Variants in ADCK2 observed in about 807,000 individuals in gnomAD.
ADCK2 encodes aarF domain containing kinase 2, also known as uncharacterized aarF domain-containing protein kinase 2.
ADCK2 carries 37 observed loss-of-function variants against 52.3 expected under a neutral mutation model. The observed-to-expected ratio is 0.71, with a 90% CI of 0.54 to 0.93. The LOEUF is 0.93. ADCK2 is among the 40% of genes least tolerant of loss of function. The probability of loss-of-function intolerance (pLI) is 0.00; values close to 1 mark genes in which losing one functional copy is unlikely to be tolerated. For synonymous variants in ADCK2, 321 were observed against 349.2 expected (o/e 0.92, Z 0.90); for missense variants, 695 against 798.7 (o/e 0.87, Z 1.56).
At chr7:140,684,507 G>A (rs1292609791) in intron 4 of ADCK2, among the ~76,000 whole-genome samples, 1 of 152,146 alleles carries the variant, frequency 6.6e-6, no homozygotes, top group Non-Finnish European at 1.5e-5. Flanking sequence ...AGGAATGGGC[G>A]ATGGGGTCGA....
At position 140,674,798 on chromosome 7, in the gene ADCK2, A is replaced by G. The variant is rs1563205785; in HGVS notation, c.1080+41A>G. 1.3e-6 allele frequency: 2 copies of G among 1,587,592 alleles called. No homozygotes were observed. Among genetic ancestry groups the G allele is most frequent in the Non-Finnish European group, 1.7e-6 (2 of 1,162,202 alleles). ...CTCAGCTGTAAATAGCACCTAACAT[A>G]GTTCTTGCCATTAGCTGCTACTTAG... is the stretch of plus-strand genomic sequence containing the variant. On this transcript the variant is annotated intron_variant, in intron 2 of 7. Transcript: ENST00000072869. This position sits in a 1 kb window ranked among gnomAD's most constrained non-coding sequence, Gnocchi z 4.6.
intron 2 of ADCK2, among the ~76,000 whole-genome samples, chr7:140,675,112 G>A (rs1794376802): frequency 6.6e-6 from 1 of 152,040 alleles, no homozygotes; most frequent in African/African-American, 2.4e-5. Context: ...GCGTGGTGCT[G>A]CATGCCTGTA....
At chr7:140,688,973 AT>A (rs1430149254) in intron 5 of ADCK2, among the ~76,000 whole-genome samples, 58 of 147,654 alleles carry the variant, frequency 3.9e-4, no homozygotes, top group East Asian at 1.2e-3. Flanking sequence ...TAATTAATTA[AT>A]TTTTTTTTTT....
chr7:140,682,998 CA>C (rs34792260), intron 4 of ADCK2, among the ~76,000 whole-genome samples: 8,550 of 54,576 alleles, frequency 0.16, 173 homozygotes, highest in African/African-American at 0.2. Flanking sequence ...GACTCTGTCT[CA>C]AAAAAAAAAA....
intron 5 of ADCK2, among the ~76,000 whole-genome samples, chr7:140,688,274 C>A (rs565977039): frequency 7.2e-5 from 11 of 152,228 alleles, no homozygotes; most frequent in African/African-American, 2.4e-4. Context: ...GAACTTCTGA[C>A]CTCAGGTGAT....
chr7:140,691,167 C>A (rs1794696774), intron 7 of ADCK2, among the ~76,000 whole-genome samples: 1 of 152,040 alleles, frequency 6.6e-6, no homozygotes, highest in South Asian at 2.1e-4. Flanking sequence ...CTCAGGTGAT[C>A]CACCCTTCTC....
chr7:140,694,747 G>A lies in ADCK2; in HGVS notation c.1825G>A (p.Asp609Asn), dbSNP rs76105862. 4.1e-4 allele frequency: 656 copies of A among 1,614,114 alleles called. 1 individual carries two copies. Among genetic ancestry groups the A allele is most frequent in the Non-Finnish European group, 2.5e-4 (300 of 1,179,986 alleles). ...GLGRSLDPKL[D>N]ILEAARPFLL... ...TGGCCGCTCACTGGACCCCAAACTG[G>A]ACATCCTGGAGGCAGCGAGGCCCTT... is the stretch of plus-strand genomic sequence containing the variant. The change falls in exon 8 of 8, where the codon GAC becomes AAC. Residue 609 changes from aspartate (D) to asparagine (N), a missense_variant. Transcript: ENST00000072869.
chr7:140,680,682 T>C (rs926597726), intron 3 of ADCK2, among the ~76,000 whole-genome samples: 4 of 152,196 alleles, frequency 2.6e-5, no homozygotes, highest in African/African-American at 9.7e-5. Context: ...TTCAAATCAA[T>C]GTGTGGATGA....
chr7:140,683,516 C>T (rs148815559), intron 4 of ADCK2, among the ~76,000 whole-genome samples: 8 of 152,130 alleles, frequency 5.3e-5, no homozygotes, highest in African/African-American at 1.9e-4. Context: ...CTCTGAGACC[C>T]GGGTATTCTT....
chr7:140,681,181 G>T, intron 4 of ADCK2, 44 bp downstream of exon 4: 1 of 1,583,284 alleles, frequency 6.3e-7, no homozygotes, highest in South Asian at 1.1e-5. Context: ...CATGTGGTCA[G>T]CTTGCAGATG....
At position 140,676,846 on chromosome 7, in the gene ADCK2, A is replaced by G. The variant is rs113466164; in HGVS notation, c.1080+2089A>G. On this transcript the variant is annotated intron_variant, in intron 2 of 7. Coordinates refer to ENST00000072869, the MANE Select transcript of ADCK2 (RefSeq NM_052853.4). ...AGATCAGTTTGGGCAACATGGTGAAACCTCATCTCTACCAAAAATACAAAA... is the reference window on the plus strand; with the variant it reads ...AGATCAGTTTGGGCAACATGGTGAAGCCTCATCTCTACCAAAAATACAAAA... Among the ~76,000 whole-genome samples, 858 of 152,148 alleles carry G rather than the reference A, an allele frequency of 5.6e-3. 10 individuals carry two copies. Among genetic ancestry groups the G allele is most frequent in the African/African-American group, 0.02 (815 of 41,470 alleles).
chr7:140,687,010 C>T lies in ADCK2; in HGVS notation c.1326C>T (p.Val442=). The T allele has an allele frequency of 1.2e-6, 2 of 1,613,728 alleles. No individual in the cohort carries two copies. Among genetic ancestry groups the T allele is most frequent in the Non-Finnish European group, 8.5e-7 (1 of 1,179,668 alleles). Residue 442 remains valine (V), a synonymous_variant, in exon 5 of 8, where the codon GTC becomes GTT. Coordinates refer to ENST00000072869, the MANE Select transcript of ADCK2 (RefSeq NM_052853.4). ...LLKMIFVDNF[V]HADLHPGNIL... ...TCCAGATATTTGTGGATAACTTTGT[C>T]CATGCAGACCTTCACCCTGGAAACA...
rs565548354 is a variant in ADCK2 at position 140,688,013 on chromosome 7, A to T, written c.1557+772A>T. On this transcript the variant is annotated intron_variant, in intron 5 of 7. Transcript: ENST00000072869. ...GGACTACAGGCTGGGCAGGGGGTGAATCTTTTATACTCTGGGGAATGCCTC... is the reference window on the plus strand; with the variant it reads ...GGACTACAGGCTGGGCAGGGGGTGATTCTTTTATACTCTGGGGAATGCCTC... Among the ~76,000 whole-genome samples, 17 of 150,332 alleles carry T rather than the reference A, an allele frequency of 1.1e-4. No homozygotes were observed. In the South Asian group the frequency reaches 1.7e-3, roughly 15 times the overall value.
At position 140,694,646 on chromosome 7, in the gene ADCK2, C is replaced by A; in HGVS notation, c.1741-17C>A. 1 of 1,611,852 alleles carries A rather than the reference C, an allele frequency of 6.2e-7. No individual in the cohort carries two copies. Among genetic ancestry groups the A allele is most frequent in the Non-Finnish European group, 8.5e-7 (1 of 1,178,438 alleles). The stretch of plus-strand genomic sequence containing the variant: ...TCAGCATGTTCTGAGATGAACTGTT[C>A]TGTTTTTCTGTTCCAGGTAAAGCTT... On this transcript the variant is annotated splice_polypyrimidine_tract_variant and intron_variant, in intron 7 of 7. Coordinates refer to ENST00000072869, the MANE Select transcript of ADCK2 (RefSeq NM_052853.4).
At chr7:140,680,313 G>A (rs1460943009) in intron 3 of ADCK2, among the ~76,000 whole-genome samples, 2 of 151,624 alleles carry the variant, frequency 1.3e-5, no homozygotes, top group African/African-American at 2.4e-5. Context: ...CCCCATGTCC[G>A]ACTAATTTTT....
At position 140,674,621 on chromosome 7, in the gene ADCK2, C is replaced by T. The variant is rs536967545; in HGVS notation, c.944C>T (p.Pro315Leu). 4 of 1,613,470 alleles carry T rather than the reference C, an allele frequency of 2.5e-6. No individual in the cohort carries two copies. Among genetic ancestry groups the T allele is most frequent in the South Asian group, 1.1e-5 (1 of 91,034 alleles). The part of the protein sequence containing the change: ...LISVAVKVLH[P>L]GLLAQVHMDL... ...TCCTCTTTCTGACAGGTGTTGCACCCTGGCCTGCTCGCTCAGGTGCATATG... is the reference window on the plus strand; with the variant it reads ...TCCTCTTTCTGACAGGTGTTGCACCTTGGCCTGCTCGCTCAGGTGCATATG... The change falls in exon 2 of 8, where the codon CCT becomes CTT. Residue 315 changes from proline (P) to leucine (L), a missense_variant. Coordinates refer to ENST00000072869, the MANE Select transcript of ADCK2 (RefSeq NM_052853.4). The surrounding 1 kb of genome is among the most constrained non-coding windows in gnomAD (Gnocchi z 4.6).
chr7:140,685,298 A>T (rs1794586926), intron 4 of ADCK2, among the ~76,000 whole-genome samples: 1 of 151,844 alleles, frequency 6.6e-6, no homozygotes, highest in African/African-American at 2.4e-5. Context: ...AAAACACAAA[A>T]AATTAGCCGG....
At chr7:140,677,782 G>A (rs922406562) in intron 2 of ADCK2, among the ~76,000 whole-genome samples, 1 of 152,214 alleles carries the variant, frequency 6.6e-6, no homozygotes, top group Non-Finnish European at 1.5e-5. Context: ...GACTTGGTTG[G>A]TGTCCTTAGC....
chr7:140,681,628 C>CTAT (rs1794518395), intron 4 of ADCK2, among the ~76,000 whole-genome samples: 1 of 148,784 alleles, frequency 6.7e-6, no homozygotes, highest in Non-Finnish European at 1.5e-5. Flanking sequence ...CCTTTTTTTT[C>CTAT]CTTTTTTAAG....
Sources: allele counts gnomAD v4.1 joint callset (sites outside exome capture counted in the v4.1 genomes callset), GRCh38; gene constraint gnomAD v4.1.1; non-coding constraint Gnocchi (gnomAD v3.1); transcripts MANE v1.5; gene names NCBI Gene and HGNC (gene_info 2026-07-23, HGNC 2026-07-21).